The following METTL21A variants were observed in gnomAD, a reference collection of about 807,000 sequenced individuals.
METTL21A encodes the protein methyltransferase 21A, HSPA lysine.
In METTL21A, 22 loss-of-function variants were observed where a neutral mutation model predicts 20.9. That is an observed-to-expected ratio of 1.05 (90% CI 0.75 to 1.50). The LOEUF (loss-of-function observed/expected upper bound fraction) is 1.50, where lower values mean the gene tolerates loss of function less well. Among genes scored for constraint, METTL21A ranks in the 40% most tolerant of loss-of-function variants. The pLI, the probability that METTL21A is intolerant of heterozygous loss-of-function variation, is 0.00. For missense variants in METTL21A, 271 were observed against 266.8 expected (o/e 1.02, Z -0.11); for synonymous variants, 93 against 102.0 (o/e 0.91, Z 0.53).
downstream of METTL21A, among the ~76,000 whole-genome samples, chr2:207,606,032 T>C (rs1054143940): frequency 1.3e-5 from 2 of 152,262 alleles, no homozygotes; most frequent in Admixed American, 6.5e-5. Flanking sequence ...AATACTGTTT[T>C]CTTTCTAATA....
chr2:207,587,219 CCTT>C (rs936936590), intron 3 of METTL21A, among the ~76,000 whole-genome samples: 21 of 151,986 alleles, frequency 1.4e-4, no homozygotes, highest in African/African-American at 4.1e-4. Context: ...CGGTGAAACT[CCTT>C]CTTTACTAAA....
At chr2:207,601,358 C>G (rs1269261560) in intron 3 of METTL21A, 1 of 185,516 alleles carries the variant, frequency 5.4e-6, no homozygotes, top group African/African-American at 2.3e-5. Flanking sequence ...AATCATGTGA[C>G]TTTTTAAATG....
Position 207,598,218 on chromosome 2 carries a change from G to A in METTL21A, c.260-16058C>T, listed in dbSNP as rs56291091. The A allele has an allele frequency of 6.8e-3, 1,256 of 183,390 alleles. 6 individuals are homozygous for A. The highest frequency in any genetic ancestry group is 0.011 in the Non-Finnish European group (931 of 86,282). The allele number at this position is 183,390 out of a possible 1,614,324, so 11.4% of individuals were successfully genotyped here. On this transcript the variant is annotated intron_variant, in intron 3 of 3. Transcript: ENST00000425132. Reference sequence around the variant, plus strand: ...AAGTACAGTGTTAGATGTGCACAAGGAAAGTTATTTTCAGACATATTTGAA... The same window carrying A: ...AAGTACAGTGTTAGATGTGCACAAGAAAAGTTATTTTCAGACATATTTGAA...
chr2:207,615,200 G>A (rs574815512), intron 3 of METTL21A, among the ~76,000 whole-genome samples: 2 of 152,238 alleles, frequency 1.3e-5, no homozygotes, highest in African/African-American at 4.8e-5. Flanking sequence ...CAGCCAGGCC[G>A]AGTAGCTCAA....
At chr2:207,585,862 C>T (rs1270706485) in intron 3 of METTL21A, among the ~76,000 whole-genome samples, 1 of 151,996 alleles carries the variant, frequency 6.6e-6, no homozygotes, top group Non-Finnish European at 1.5e-5. Flanking sequence ...ATGAAGAAAG[C>T]CTACATAGGA....
intron 2 of METTL21A, among the ~76,000 whole-genome samples, chr2:207,622,903 T>C (rs2090664370): frequency 6.6e-6 from 1 of 152,086 alleles, no homozygotes; most frequent in Admixed American, 6.6e-5. Flanking sequence ...TTCCTCGTTA[T>C]TATTTATCTT....
intron 3 of METTL21A, among the ~76,000 whole-genome samples, chr2:207,585,424 T>G (rs1176202455): frequency 2.0e-5 from 3 of 152,030 alleles, no homozygotes; most frequent in Non-Finnish European, 4.4e-5. Flanking sequence ...TACAGCTACA[T>G]CTACAGTAAA....
intron 3 of METTL21A, chr2:207,615,707 AAAG>A (rs1669929297): frequency 1.3e-5 from 2 of 150,696 alleles, no homozygotes; most frequent in African/African-American, 2.4e-5. Flanking sequence ...AAAAAAAAAA[AAAG>A]AAAAGAAAAG....
exon 4 of METTL21A, chr2:207,613,286 C>T: frequency 6.2e-7 from 1 of 1,614,058 alleles, no homozygotes; most frequent in Non-Finnish European, 8.5e-7. Context: ...CACCAAGTAT[C>T]AGGTCAAATT....
chr2:207,592,449 G>A (rs2085233979), intron 3 of METTL21A, among the ~76,000 whole-genome samples: 1 of 151,602 alleles, frequency 6.6e-6, no homozygotes, highest in Admixed American at 6.6e-5. Context: ...GATTTAAATG[G>A]TTTCTGACAA....
At chr2:207,590,319 C>T (rs998979283) in intron 3 of METTL21A, among the ~76,000 whole-genome samples, 1 of 151,700 alleles carries the variant, frequency 6.6e-6, no homozygotes, top group African/African-American at 2.4e-5. Flanking sequence ...TTTCCTCTCT[C>T]TCTGTATTCG....
At chr2:207,604,816 T>C (rs576025518), downstream of METTL21A, among the ~76,000 whole-genome samples, 8 of 152,344 alleles carry the variant, frequency 5.3e-5, no homozygotes, top group South Asian at 1.5e-3. Context: ...GGGTATTTCA[T>C]GTGAGACTCA....
At chr2:207,620,534 T>C in intron 3 of METTL21A, 1 of 634,230 alleles carries the variant, frequency 1.6e-6, no homozygotes, top group Admixed American at 3.8e-5. Context: ...AGATCTCCAG[T>C]GATCAGGACT....
exon 4 of METTL21A, chr2:207,613,222 G>A: frequency 6.2e-7 from 1 of 1,613,796 alleles, no homozygotes; most frequent in Non-Finnish European, 8.5e-7. Context: ...CTACAGAGAT[G>A]TTCCAGTGTC....
chr2:207,624,414 A>G lies in METTL21A; in HGVS notation c.-29-10T>C, dbSNP rs778919582. On this transcript the variant is annotated splice_polypyrimidine_tract_variant and intron_variant, in intron 1 of 3. Coordinates refer to ENST00000406927, the Ensembl canonical transcript of METTL21A. ...CGCCCTCTGCTCAGACCTGCCGTGCAAAAGAATCCTGGGTGACGCTCTGGC... is the reference window on the plus strand; with the variant it reads ...CGCCCTCTGCTCAGACCTGCCGTGCGAAAGAATCCTGGGTGACGCTCTGGC... The G allele has an allele frequency of 6.3e-7, 1 of 1,590,978 alleles. No individual in the cohort carries two copies. The highest frequency in any genetic ancestry group is 1.4e-5 in the African/African-American group (1 of 73,768).
intron 3 of METTL21A, among the ~76,000 whole-genome samples, chr2:207,584,746 T>C (rs2083520907): frequency 6.6e-6 from 1 of 152,242 alleles, no homozygotes; most frequent in African/African-American, 2.4e-5. Context: ...ATGTTTTCTT[T>C]GATGAAATGT....
chr2:207,621,982 A>G, intron 2 of METTL21A, 65 bp from the exon 3 acceptor site: 1 of 1,410,768 alleles, frequency 7.1e-7, no homozygotes, highest in Non-Finnish European at 1.0e-6. Flanking sequence ...GCAGGGTTTC[A>G]GGTCAGCTAC....
At chr2:207,595,885 C>T (rs1031125394) in intron 3 of METTL21A, among the ~76,000 whole-genome samples, 1 of 152,098 alleles carries the variant, frequency 6.6e-6, no homozygotes, top group African/African-American at 2.4e-5. Flanking sequence ...GATCTTAACC[C>T]CTTAGCAGAT....
At chr2:207,623,421 C>T (rs2090733053) in intron 2 of METTL21A, among the ~76,000 whole-genome samples, 1 of 152,132 alleles carries the variant, frequency 6.6e-6, no homozygotes, top group Non-Finnish European at 1.5e-5. Flanking sequence ...GCTGAGGGCT[C>T]AAGTCAGAAC....
Sources: gnomAD v4.1 joint callset for allele counts (sites outside exome capture counted in the v4.1 genomes callset) on GRCh38, gnomAD v4.1.1 for gene constraint, MANE v1.5 for transcripts, NCBI Gene and HGNC (gene_info 2026-07-23, HGNC 2026-07-21) for gene names.